The following NTRK3 variants were observed in gnomAD, a reference collection of about 807,000 sequenced individuals.
The protein encoded by NTRK3 is neurotrophic receptor tyrosine kinase 3.
NTRK3 carries 24 observed loss-of-function variants against 91.7 expected under a neutral mutation model. The observed-to-expected ratio is 0.26, with a 90% CI of 0.19 to 0.37. The LOEUF (loss-of-function observed/expected upper bound fraction) is 0.37. Ranked by LOEUF, NTRK3 falls within the 10% of genes least tolerant of loss-of-function variation. NTRK3 has a pLI of 1.00. For synonymous variants in NTRK3, 483 were observed against 404.0 expected, an observed-to-expected ratio of 1.20 and a Z score of -2.34; for missense variants, 880 against 1,068.9, an observed-to-expected ratio of 0.82 and a Z score of 2.46.
At chr15:88,010,772 T>G (rs2076825577) in intron 14 of NTRK3, among the ~76,000 whole-genome samples, 1 of 150,548 alleles carries the variant, frequency 6.6e-6, no homozygotes, top group Non-Finnish European at 1.5e-5. Context: ...ACACACAAAA[T>G]CAAAGTATTA....
intron 14 of NTRK3, among the ~76,000 whole-genome samples, chr15:87,971,940 AACG>A (rs1268010774): frequency 2.6e-5 from 4 of 152,200 alleles, no homozygotes; most frequent in African/African-American, 9.6e-5. Context: ...GTGATTTTTA[AACG>A]ACATTACGAG....
At chr15:88,205,534 T>C (rs1052026894) in intron 3 of NTRK3, among the ~76,000 whole-genome samples, 4 of 152,126 alleles carry the variant, frequency 2.6e-5, no homozygotes, top group African/African-American at 9.7e-5. Flanking sequence ...ACATGAGCTC[T>C]GGTATATCAT....
At chr15:88,105,763 A>G (rs186356340) in intron 13 of NTRK3, among the ~76,000 whole-genome samples, 1 of 152,254 alleles carries the variant, frequency 6.6e-6, no homozygotes, top group East Asian at 1.9e-4. Context: ...CCCTAAAACT[A>G]AGCCAGTGGT....
intron 17 of NTRK3, among the ~76,000 whole-genome samples, chr15:87,891,886 G>C (rs1039190967): frequency 6.6e-6 from 1 of 152,146 alleles, no homozygotes; most frequent in Non-Finnish European, 1.5e-5. Flanking sequence ...CCATGTAATA[G>C]GCAGAGATAC....
rs1303085266 is a variant in NTRK3, at chr15:88,237,376, T to A, written c.248+18530A>T. ...TTTTGTGACCCATTGTTTTGGGAAGTTCTTTCTTACTGCTAAACCACATCC... is the reference window on the plus strand; with the variant it reads ...TTTTGTGACCCATTGTTTTGGGAAGATCTTTCTTACTGCTAAACCACATCC... On this transcript the variant is annotated intron_variant, in intron 3 of 18. Transcript: ENST00000394480. This position sits in a 1 kb window ranked among gnomAD's most constrained non-coding sequence, Gnocchi z 4.0. Among the ~76,000 whole-genome samples the A allele has an allele frequency of 6.6e-6, 1 of 152,192 alleles. No individual in the cohort carries two copies. Among genetic ancestry groups the A allele is most frequent in the Non-Finnish European group, 1.5e-5 (1 of 68,040 alleles).
At chr15:87,994,514 G>A (rs186496885) in intron 14 of NTRK3, among the ~76,000 whole-genome samples, 3 of 152,232 alleles carry the variant, frequency 2.0e-5, no homozygotes, top group African/African-American at 7.2e-5. Flanking sequence ...CTAGAAGAGG[G>A]GCCTGGAACA....
intron 14 of NTRK3, among the ~76,000 whole-genome samples, chr15:88,007,892 C>T (rs182589214): frequency 7.8e-4 from 119 of 152,288 alleles, no homozygotes; most frequent in Non-Finnish European, 1.3e-3. Flanking sequence ...CCCTATGATG[C>T]TGCATTTCTA....
At chr15:88,204,102 A>G (rs547205772) in intron 3 of NTRK3, among the ~76,000 whole-genome samples, 14 of 151,844 alleles carry the variant, frequency 9.2e-5, no homozygotes, top group Admixed American at 9.2e-4. Flanking sequence ...TCATTGTTCA[A>G]CTCCCACTTA....
intron 14 of NTRK3, among the ~76,000 whole-genome samples, chr15:87,951,222 T>G (rs1567144298): frequency 6.6e-6 from 1 of 152,172 alleles, no homozygotes; most frequent in African/African-American, 2.4e-5. Flanking sequence ...GTAAGATCAT[T>G]TCCTGATCTT....
chr15:88,020,555 G>C (rs2077527961), intron 14 of NTRK3, among the ~76,000 whole-genome samples: 2 of 152,192 alleles, frequency 1.3e-5, no homozygotes, highest in Admixed American at 1.3e-4. Flanking sequence ...TGTAATGATA[G>C]TTGTAAAAAT....
chr15:87,900,112 G>T (rs113914842), intron 17 of NTRK3, among the ~76,000 whole-genome samples: 1,730 of 152,256 alleles, frequency 0.011, 37 homozygotes, highest in African/African-American at 0.039. Flanking sequence ...ATTTAAAAGT[G>T]GGGATTCAAC....
At chr15:87,864,643 G>A (rs896025522) in exon 19 of NTRK3, 1 of 230,910 alleles carries the variant, frequency 4.3e-6, no homozygotes. Context: ...AAGCCAAATA[G>A]ATAAAGCATC....
At chr15:88,064,657 C>T (rs2046495210) in intron 13 of NTRK3, among the ~76,000 whole-genome samples, 1 of 152,202 alleles carries the variant, frequency 6.6e-6, no homozygotes, top group African/African-American at 2.4e-5. Flanking sequence ...CCAGTGCCCC[C>T]TCCACTGCAG....
chr15:88,080,483 AT>A (rs2047946886), intron 13 of NTRK3, among the ~76,000 whole-genome samples: 1 of 152,140 alleles, frequency 6.6e-6, no homozygotes. Flanking sequence ...TTTATTAGCC[AT>A]TTTACTTTCT....
chr15:87,893,113 A>C (rs2141586036), intron 17 of NTRK3, among the ~76,000 whole-genome samples: 1 of 152,344 alleles, frequency 6.6e-6, no homozygotes, highest in South Asian at 2.1e-4. Context: ...AAACATTTCA[A>C]GACCACAGGT....
At chr15:88,160,320 T>A (rs1432479610) in intron 5 of NTRK3, among the ~76,000 whole-genome samples, 1 of 152,128 alleles carries the variant, frequency 6.6e-6, no homozygotes, top group African/African-American at 2.4e-5. Flanking sequence ...GAGGGACCCA[T>A]ACCCCTGGTT....
chr15:87,955,194 G>A (rs926751864), intron 14 of NTRK3, among the ~76,000 whole-genome samples: 9 of 152,240 alleles, frequency 5.9e-5, no homozygotes, highest in African/African-American at 1.7e-4. Context: ...CTCAGTTTGA[G>A]CTGCCTTGTG....
At chr15:88,224,571 G>C (rs2050519417) in intron 3 of NTRK3, among the ~76,000 whole-genome samples, 1 of 152,188 alleles carries the variant, frequency 6.6e-6, no homozygotes, top group South Asian at 2.1e-4. Flanking sequence ...TGTTATTCCT[G>C]AGATCATCTC....
intron 13 of NTRK3, among the ~76,000 whole-genome samples, chr15:88,040,261 G>A (rs2079473177): frequency 6.6e-6 from 1 of 152,224 alleles, no homozygotes; most frequent in African/African-American, 2.4e-5. Context: ...CAACAGTGGA[G>A]AGGGAACTTC....
Sources: gnomAD v4.1 joint callset for allele counts (sites outside exome capture counted in the v4.1 genomes callset) on GRCh38, gnomAD v4.1.1 for gene constraint, Gnocchi (gnomAD v3.1) non-coding constraint, MANE v1.5 for transcripts, NCBI Gene and HGNC (gene_info 2026-07-23, HGNC 2026-07-21) for gene names.